The following TTL variants were observed in gnomAD, a reference collection of about 807,000 sequenced individuals.
TTL encodes tubulin--tyrosine ligase.
TTL carries 10 observed loss-of-function variants against 41.1 expected under a neutral mutation model. The observed-to-expected ratio is 0.24, with a 90% CI of 0.15 to 0.41. The LOEUF is 0.41. Ranked by LOEUF, TTL falls within the 10% of genes least tolerant of loss-of-function variation. The pLI, the probability that TTL is intolerant of heterozygous loss-of-function variation, is 1.00. For missense variants in TTL, 367 were observed against 460.4 expected (o/e 0.80, Z 1.86); for synonymous variants, 175 against 175.5 (o/e 1.00, Z 0.02).
At chr2:112,512,554 G>A (rs998583660) in intron 5 of TTL, among the ~76,000 whole-genome samples, 3 of 151,996 alleles carry the variant, frequency 2.0e-5, no homozygotes, top group East Asian at 1.9e-4. Flanking sequence ...GAGCCACCAC[G>A]CCTGGCCTAG....
intron 1 of TTL, among the ~76,000 whole-genome samples, chr2:112,485,500 A>T (rs759517661): frequency 3.2e-4 from 48 of 152,206 alleles, no homozygotes; most frequent in Non-Finnish European, 6.6e-4. Context: ...CTTCCTTGGT[A>T]TGGAAAGCCA....
intron 6 of TTL, among the ~76,000 whole-genome samples, chr2:112,523,469 C>T (rs1283825735): frequency 6.6e-6 from 1 of 151,910 alleles, no homozygotes; most frequent in Non-Finnish European, 1.5e-5. Flanking sequence ...AAAGTCTTCC[C>T]CTGTCACTGG....
At chr2:112,514,862 T>C (rs1221250485) in intron 5 of TTL, among the ~76,000 whole-genome samples, 1 of 152,216 alleles carries the variant, frequency 6.6e-6, no homozygotes, top group Non-Finnish European at 1.5e-5. Flanking sequence ...TCACTGTTTC[T>C]CACACTTTTA....
intron 5 of TTL, among the ~76,000 whole-genome samples, chr2:112,517,875 G>T (rs938236223): frequency 6.5e-4 from 99 of 151,604 alleles, no homozygotes; most frequent in East Asian, 4.1e-4. Flanking sequence ...AGCTCGGGGA[G>T]GTCAAGGCTG....
intron 5 of TTL, among the ~76,000 whole-genome samples, chr2:112,509,142 G>C (rs1681853335): frequency 7.3e-6 from 1 of 137,198 alleles, no homozygotes; most frequent in Middle Eastern, 3.5e-3. Context: ...TCAGGGGTCA[G>C]GGACTCACTT....
At position 112,534,010 on chromosome 2, in the gene TTL, T is replaced by C. The variant is rs914092106; in HGVS notation, c.*5215T>C. On this transcript the variant is annotated 3_prime_UTR_variant, in exon 7 of 7. Coordinates refer to ENST00000233336, the MANE Select transcript of TTL (RefSeq NM_153712.5). ...AAAGCAATGAGAACACTAGCAAAAC[T>C]GTCTAGACATTAACCAGAGGCTTGC... 6.6e-6 allele frequency: 1 copy of C among 152,114 alleles called. No individual in the cohort carries two copies. Among genetic ancestry groups the C allele is most frequent in the Non-Finnish European group, 1.5e-5 (1 of 68,018 alleles). The allele number at this position is 152,114 out of a possible 1,614,324, so 9.4% of individuals were successfully genotyped here.
Position 112,539,310 on chromosome 2 carries a change from G to A in TTL, c.*10515G>A, listed in dbSNP as rs545182969. On this transcript the variant is annotated 3_prime_UTR_variant, in exon 7 of 7. Coordinates refer to ENST00000233336, the MANE Select transcript of TTL (RefSeq NM_153712.5). ...AACAAATTCGCACATGTACCCCCCT[G>A]ATTCTAAAATAAACGTTGAGAAGGG... 6.6e-6 allele frequency: 1 copy of A among 151,896 alleles called. No individual in the cohort carries two copies. The highest frequency in any genetic ancestry group is 1.9e-4 in the East Asian group (1 of 5,180). 9.4% of individuals were successfully genotyped at this position (151,896 alleles called of 1,614,324 possible).
intron 2 of TTL, among the ~76,000 whole-genome samples, chr2:112,491,101 C>T (rs550651363): frequency 6.6e-6 from 1 of 152,290 alleles, no homozygotes; most frequent in African/African-American, 2.4e-5. Flanking sequence ...AAGCAATTCT[C>T]CTGCCTCAGC....
chr2:112,519,437 T>A (rs776955169), intron 5 of TTL, among the ~76,000 whole-genome samples: 17 of 152,174 alleles, frequency 1.1e-4, no homozygotes, highest in Non-Finnish European at 1.8e-4. Context: ...TCATTGTTGC[T>A]AATAATACTT....
chr2:112,486,819 C>T (rs1559009506), intron 2 of TTL, among the ~76,000 whole-genome samples: 1 of 152,116 alleles, frequency 6.6e-6, no homozygotes, highest in Non-Finnish European at 1.5e-5. Flanking sequence ...GCACAGTGGC[C>T]TGGTACATAA....
Position 112,532,743 on chromosome 2 carries a change from T to C in TTL, c.*3948T>C, listed in dbSNP as rs1682536577. The C allele has an allele frequency of 1.6e-5, 1 of 60,762 alleles. No homozygotes were observed. The highest frequency in any genetic ancestry group is 3.5e-5 in the Non-Finnish European group (1 of 28,484). The allele number at this position is 60,762 out of a possible 1,614,324, so 3.8% of individuals were successfully genotyped here. A position where few individuals can be genotyped will look rare whatever the true frequency, so the allele number is the denominator to read the frequency against. ...CAAACCATGTAGGGCCTTTTTTGCATACTTTTTGTTTTTTTCTCCAACTCT... is the reference window on the plus strand; with the variant it reads ...CAAACCATGTAGGGCCTTTTTTGCACACTTTTTGTTTTTTTCTCCAACTCT... On this transcript the variant is annotated 3_prime_UTR_variant, in exon 7 of 7. Transcript: ENST00000233336.
At chr2:112,518,819 C>T (rs1031471120) in intron 5 of TTL, among the ~76,000 whole-genome samples, 1 of 151,986 alleles carries the variant, frequency 6.6e-6, no homozygotes, top group African/African-American at 2.4e-5. Flanking sequence ...GGATTATAGG[C>T]ACCTGCCACT....
In TTL at chr2:112,502,970, C is replaced by T. The variant is rs773495143; in HGVS notation, c.664C>T (p.Arg222Trp). 6.2e-6 allele frequency: 10 copies of T among 1,614,004 alleles called. No homozygotes were observed. The Admixed American group carries it at 8.3e-5, about 13-fold the overall frequency. The change falls in exon 5 of 7, where the codon CGG (arginine) becomes TGG (tryptophan). Residue 222 changes from arginine (R) to tryptophan (W), a missense_variant. Arg to Trp is a moderately radical substitution (Grantham distance 101, BLOSUM62 -3). Coordinates refer to ENST00000233336, the MANE Select transcript of TTL (RefSeq NM_153712.5). ...CTACCTCTATAGAGAGGGTGTGCTT[C>T]GGACTGCTTCAGAACCATATCATGT... ...NIYLYREGVL[R>W]TASEPYHVDN...
intron 2 of TTL, among the ~76,000 whole-genome samples, chr2:112,490,890 T>C (rs1052594639): frequency 2.6e-5 from 4 of 152,096 alleles, no homozygotes; most frequent in Admixed American, 2.6e-4. Flanking sequence ...CATATTTTAA[T>C]ACAACCTAAC....
At chr2:112,517,771 T>C (rs1682109890) in intron 5 of TTL, among the ~76,000 whole-genome samples, 1 of 150,912 alleles carries the variant, frequency 6.6e-6, no homozygotes, top group South Asian at 2.1e-4. Context: ...GACAAACCTC[T>C]GTCTCCAAAA....
chr2:112,491,811 A>G (rs1330143378), intron 2 of TTL, among the ~76,000 whole-genome samples: 1 of 152,180 alleles, frequency 6.6e-6, no homozygotes, highest in African/African-American at 2.4e-5. Flanking sequence ...TACTTTTACC[A>G]TAGCCTATTG....
At chr2:112,484,557 G>A (rs961240518) in intron 1 of TTL, among the ~76,000 whole-genome samples, 23 of 152,100 alleles carry the variant, frequency 1.5e-4, no homozygotes, top group Non-Finnish European at 2.9e-4. Context: ...GAACCACCGT[G>A]CCCGGCCAAC....
At chr2:112,496,665 CTGTGTGTGTG>C (rs10635241) in intron 3 of TTL, among the ~76,000 whole-genome samples, 1,393 of 106,050 alleles carry the variant, frequency 0.013, 26 homozygotes, top group African/African-American at 0.038. Context: ...ATATATGTGT[CTGTGTGTGTG>C]TGTGTGTGTG....
Position 112,482,752 on chromosome 2 carries a change from C to T in TTL, c.157+251C>T, listed in dbSNP as rs959302918. Among the ~76,000 whole-genome samples, 1 of 152,210 alleles carries T rather than the reference C, an allele frequency of 6.6e-6. No homozygotes were observed. The highest frequency in any genetic ancestry group is 2.4e-5 in the African/African-American group (1 of 41,458). On this transcript the variant is annotated intron_variant, in intron 1 of 6. Coordinates refer to ENST00000233336, the MANE Select transcript of TTL (RefSeq NM_153712.5). This position sits in a 1 kb window ranked among gnomAD's most constrained non-coding sequence, Gnocchi z 5.3. ...GCCGCAGCTACCTCCCGACGGTGAC[C>T]GGTCCCTGCAGCCCGGGAGACGCTG...
Sources: allele counts gnomAD v4.1 joint callset (sites outside exome capture counted in the v4.1 genomes callset), GRCh38; gene constraint gnomAD v4.1.1; non-coding constraint Gnocchi (gnomAD v3.1); transcripts MANE v1.5; gene names NCBI Gene and HGNC (gene_info 2026-07-23, HGNC 2026-07-21).